TLR7: variants seen among roughly 807,000 people sequenced by gnomAD.
The protein encoded by TLR7 is toll like receptor 7.
In TLR7, 12 loss-of-function variants were observed where a neutral mutation model predicts 38.3. The ratio of observed to expected loss-of-function variants is 0.31; its 90% CI spans 0.20 to 0.51. The LOEUF (loss-of-function observed/expected upper bound fraction) is 0.51. Ranked by LOEUF, TLR7 falls within the 20% of genes least tolerant of loss-of-function variation. TLR7 has a pLI of 0.98. For synonymous variants in TLR7, 285 were observed against 293.8 expected (o/e 0.97, Z 0.31); for missense variants, 504 against 743.4 (o/e 0.68, Z 3.74).
At position 12,886,500 on chromosome X, in the gene TLR7, G is replaced by T. The variant is rs1328692782; in HGVS notation, c.992G>T (p.Gly331Val). The change falls in exon 3 of 3, where the codon GGG becomes GTG. Residue 331 changes from glycine (G) to valine (V), a missense_variant. Coordinates refer to ENST00000380659, the MANE Select transcript of TLR7 (RefSeq NM_016562.4). ...CAAAACTTCTTGGCCAAAGAAATTG[G>T]GGATGCTAAATTTCTGCATTTTCTC... ...LSQNFLAKEI[G>V]DAKFLHFLPS... The T allele has an allele frequency of 5.8e-6, 7 of 1,211,760 alleles. No individual in the cohort carries two copies. Among genetic ancestry groups the T allele is most frequent in the Non-Finnish European group, 7.8e-6 (7 of 895,508 alleles).
chrX:12,868,756 C>T (rs1347675259), intron 2 of TLR7, among the ~76,000 whole-genome samples: 2 of 111,549 alleles, frequency 1.8e-5, no homozygotes, highest in Non-Finnish European at 1.9e-5. Flanking sequence ...ATTCTAGATC[C>T]GAATGTTAGC....
Position 12,885,653 on chromosome X carries a change from G to A in TLR7, c.145G>A (p.Val49Met), listed in dbSNP as rs141847327. ...GGATGTTCCAAAGAACCATGTGATC[G>A]TGGACTGCACAGACAAGCATTTGAC... ...TLDVPKNHVIVDCTDKHLTEI... is the reference protein window; with the variant it reads ...TLDVPKNHVIMDCTDKHLTEI... Residue 49 changes from valine to methionine, a missense_variant, in exon 3 of 3, where the codon GTG (valine) becomes ATG (methionine). Physicochemically the swap from Val to Met is conservative, Grantham distance 21. Transcript: ENST00000380659. 4 of 1,210,004 alleles carry A rather than the reference G, an allele frequency of 3.3e-6. No individual in the cohort carries two copies. Among genetic ancestry groups the A allele is most frequent in the African/African-American group, 1.7e-5 (1 of 57,175 alleles).
intron 2 of TLR7, among the ~76,000 whole-genome samples, chrX:12,881,515 GAGTT>G: frequency 9.7e-6 from 1 of 102,878 alleles, no homozygotes; most frequent in East Asian, 3.0e-4. Context: ...ATAAATAACT[GAGTT>G]ATTTATTCTT....
intron 2 of TLR7, among the ~76,000 whole-genome samples, chrX:12,869,295 T>C (rs747565082): frequency 8.9e-6 from 1 of 111,993 alleles, no homozygotes; most frequent in African/African-American, 3.2e-5. Flanking sequence ...TTGAGTCATA[T>C]GGCAGATCCT....
rs2042860299 is a variant in TLR7 at position 12,873,510 on chromosome X, T to G, written c.3+5929T>G. Among the ~76,000 whole-genome samples the G allele has an allele frequency of 4.5e-5, 5 of 112,254 alleles. No individual in the cohort carries two copies. In the South Asian group the frequency reaches 1.8e-3, roughly 41 times the overall value. On this transcript the variant is annotated intron_variant, in intron 2 of 2. Coordinates refer to ENST00000380659, the MANE Select transcript of TLR7 (RefSeq NM_016562.4). ...TTGTTGAATTTTTCCTTTTTCACAA[T>G]TTCCTTCTACGTTGTTATGATGAGA...
rs199920583 is a variant in TLR7 at position 12,888,681 on chromosome X, G to A, written c.*23G>A. 2 of 1,163,713 alleles carry A rather than the reference G, an allele frequency of 1.7e-6. No individual in the cohort carries two copies. The highest frequency in any genetic ancestry group is 1.1e-6 in the Non-Finnish European group (1 of 872,077). ...TAGCCCTTCTTTGCAAAACACAACT[G>A]CCTAGTTTACCAAGGAGAGGCCTGG... On this transcript the variant is annotated 3_prime_UTR_variant, in exon 3 of 3. Transcript: ENST00000380659.
chrX:12,876,045 G>T (rs2042869286), intron 2 of TLR7, among the ~76,000 whole-genome samples: 1 of 106,204 alleles, frequency 9.4e-6, no homozygotes, highest in East Asian at 2.9e-4. Flanking sequence ...TGCAACCTCT[G>T]CCTCCCGAGT....
chrX:12,872,644 C>T (rs1417187297), intron 2 of TLR7, among the ~76,000 whole-genome samples: 1 of 110,715 alleles, frequency 9.0e-6, no homozygotes, highest in Non-Finnish European at 1.9e-5. Flanking sequence ...GTCTTTCGTC[C>T]TCTTGACAGG....
rs1480048433 is a variant in TLR7 at position 12,885,521 on chromosome X, A to G, written c.13A>G (p.Met5Val). The change falls in exon 3 of 3, where the codon ATG (methionine) becomes GTG (valine). Residue 5 changes from methionine (M) to valine (V), a missense_variant. Coordinates refer to ENST00000380659, the MANE Select transcript of TLR7 (RefSeq NM_016562.4). MVFP[M>V]WTLKRQILIL... is the part of the protein sequence containing the mutation. ...TTTCTTATACTTTCAGGTGTTTCCA[A>G]TGTGGACACTGAAGAGACAAATTCT... 2 of 1,192,256 alleles carry G rather than the reference A, an allele frequency of 1.7e-6. No individual in the cohort carries two copies. The highest frequency in any genetic ancestry group is 1.8e-5 in the African/African-American group (1 of 56,864).
In TLR7 at chrX:12,886,504, T is replaced by A. The variant is rs978435766; in HGVS notation, c.996T>A (p.Asp332Glu). The change falls in exon 3 of 3, where the codon GAT becomes GAA. Residue 332 changes from aspartate (D) to glutamate (E), a missense_variant. Asp to Glu is a conservative substitution (Grantham distance 45). Transcript: ENST00000380659. ...ACTTCTTGGCCAAAGAAATTGGGGA[T>A]GCTAAATTTCTGCATTTTCTCCCCA... ...SQNFLAKEIG[D>E]AKFLHFLPSL... The A allele has an allele frequency of 8.3e-7, 1 of 1,212,043 alleles. No homozygotes were observed. The highest frequency in any genetic ancestry group is 1.8e-5 in the South Asian group (1 of 57,007).
chrX:12,885,361 A>G (rs179009), intron 2 of TLR7, 151 bp from the exon 3 acceptor site: 104,744 of 497,934 alleles, frequency 0.21, 8,349 homozygotes, highest in Admixed American at 0.32. Flanking sequence ...AAATACAGTC[A>G]TGGGGTTGGG....
At chrX:12,882,162 T>A (rs2042894792) in intron 2 of TLR7, among the ~76,000 whole-genome samples, 1 of 111,738 alleles carries the variant, frequency 8.9e-6, no homozygotes, top group African/African-American at 3.3e-5. Flanking sequence ...TGGCTCAAGG[T>A]CAGAGAGGTA....
chrX:12,881,367 AAGTTATTTATTCTTTTTAATAAATAAATG>A lies in TLR7; in HGVS notation c.4-4112_4-4084del, dbSNP rs1477357957. Reference sequence around the variant, plus strand: ...TGGAGGTAGATCTTGACCTGAACTGAAGTTATTTATTCTTTTTAATAAATAAATGAGTTATTTATTCTTTTTAATAAATA... The same window carrying A: ...TGGAGGTAGATCTTGACCTGAACTGAAGTTATTTATTCTTTTTAATAAATA... On this transcript the variant is annotated intron_variant, in intron 2 of 2. Coordinates refer to ENST00000380659, the MANE Select transcript of TLR7 (RefSeq NM_016562.4). 8.9e-3 allele frequency among the ~76,000 whole-genome samples: 937 copies of A among 105,843 alleles called. 16 individuals are homozygous for A. Among genetic ancestry groups the A allele is most frequent in the African/African-American group, 0.033 (902 of 27,698 alleles). The allele number at this position is 105,843 out of a possible 115,157, so 91.9% of individuals were successfully genotyped here. A position where few individuals can be genotyped will look rare whatever the true frequency, so the allele number is the denominator to read the frequency against.
intron 2 of TLR7, chrX:12,877,389 T>C (rs763800446): frequency 1.9e-5 from 2 of 106,928 alleles, no homozygotes; most frequent in Non-Finnish European, 3.9e-5. Flanking sequence ...TAATAAATAG[T>C]GAGTTCATTT....
At chrX:12,884,721 T>C (rs1381124888) in intron 2 of TLR7, among the ~76,000 whole-genome samples, 2 of 112,232 alleles carry the variant, frequency 1.8e-5, no homozygotes, top group Non-Finnish European at 3.8e-5. Flanking sequence ...TTCTTGTAAG[T>C]ATACTAATGG....
intron 2 of TLR7, among the ~76,000 whole-genome samples, chrX:12,873,262 C>T (rs1335121942): frequency 8.9e-6 from 1 of 112,034 alleles, no homozygotes; most frequent in African/African-American, 3.2e-5. Flanking sequence ...CCCTATTTAT[C>T]GTCACAATCC....
At chrX:12,884,590 A>C (rs2042903470) in intron 2 of TLR7, among the ~76,000 whole-genome samples, 1 of 112,031 alleles carries the variant, frequency 8.9e-6, no homozygotes, top group African/African-American at 3.2e-5. Context: ...AGTGTCTGTC[A>C]TGCTAAACCT....
At chrX:12,871,690 C>T (rs5743734) in intron 2 of TLR7, among the ~76,000 whole-genome samples, 2,543 of 111,549 alleles carry the variant, frequency 0.023, 70 homozygotes, top group African/African-American at 0.078. Context: ...TCTTGAAAGT[C>T]GCTTGGAGGA....
rs1282522859 is a variant in TLR7, at chrX:12,881,986, T to C, written c.4-3526T>C. On this transcript the variant is annotated intron_variant, in intron 2 of 2. Transcript: ENST00000380659. Reference sequence around the variant, plus strand: ...CCTCTCTGAGGATGTGTCACTTGAATAGGCAACTAAGGGGTGGTAATGACC... The same window carrying C: ...CCTCTCTGAGGATGTGTCACTTGAACAGGCAACTAAGGGGTGGTAATGACC... 2.7e-5 allele frequency among the ~76,000 whole-genome samples: 3 copies of C among 111,576 alleles called. No individual in the cohort carries two copies. The East Asian group carries it at 8.3e-4, about 31-fold the overall frequency.
Sources: gnomAD v4.1 joint callset for allele counts (sites outside exome capture counted in the v4.1 genomes callset) on GRCh38, gnomAD v4.1.1 for gene constraint, MANE v1.5 for transcripts, NCBI Gene and HGNC (gene_info 2026-07-23, HGNC 2026-07-21) for gene names.